Variants in BMP2K observed in about 807,000 individuals in gnomAD.
BMP2K encodes BMP2 inducible kinase, also known as BMP-2-inducible protein kinase.
A neutral mutation model predicts 116.0 loss-of-function variants in BMP2K; 74 were observed. The observed-to-expected ratio is 0.64, with a 90% CI of 0.53 to 0.77. The LOEUF (loss-of-function observed/expected upper bound fraction) is 0.77, where lower values mean the gene tolerates loss of function less well. Among genes scored for constraint, BMP2K ranks in the 30% least tolerant of loss-of-function variants. BMP2K has a pLI of 0.00. For missense variants in BMP2K, 1,365 were observed against 1,403.6 expected, an observed-to-expected ratio of 0.97 and a Z score of 0.44; for synonymous variants, 486 against 502.5, an observed-to-expected ratio of 0.97 and a Z score of 0.44.
intron 1 of BMP2K, among the ~76,000 whole-genome samples, chr4:78,823,373 T>C (rs1238387946): frequency 6.6e-6 from 1 of 151,782 alleles, no homozygotes; most frequent in Non-Finnish European, 1.5e-5. Flanking sequence ...ATCAGAACCA[T>C]TTGGGGGAAC....
At chr4:78,901,029 T>C (rs1396433825) in intron 15 of BMP2K, among the ~76,000 whole-genome samples, 2 of 152,082 alleles carry the variant, frequency 1.3e-5, no homozygotes, top group Non-Finnish European at 2.9e-5. Context: ...CCATTTGATA[T>C]TGAGTATTGG....
rs549657523 is a variant in BMP2K at position 78,782,023 on chromosome 4, T to C, written c.178+5302T>C. On this transcript the variant is annotated intron_variant, in intron 1 of 15. Transcript: ENST00000502613. ...ACATTTTTTCGCCTGGCATTCACAG[T>C]TATTCATGCTCACTTCTTATCTTTA... Among the ~76,000 whole-genome samples, 8 of 152,318 alleles carry C rather than the reference T, an allele frequency of 5.3e-5. No individual in the cohort carries two copies. The South Asian group carries it at 1.7e-3, about 32-fold the overall frequency.
intron 1 of BMP2K, among the ~76,000 whole-genome samples, chr4:78,805,421 A>G (rs1350003528): frequency 6.6e-6 from 1 of 151,828 alleles, no homozygotes; most frequent in Non-Finnish European, 1.5e-5. Context: ...GTATGTTTGG[A>G]TGAGTTTGTT....
intron 4 of BMP2K, among the ~76,000 whole-genome samples, chr4:78,843,149 G>A (rs1730840783): frequency 6.6e-6 from 1 of 151,836 alleles, no homozygotes; most frequent in African/African-American, 2.4e-5. Flanking sequence ...AACTGCAGGT[G>A]TCCTCTTTCA....
At chr4:78,870,507 C>T (rs1002384875) in intron 10 of BMP2K, among the ~76,000 whole-genome samples, 11 of 152,104 alleles carry the variant, frequency 7.2e-5, no homozygotes, top group Non-Finnish European at 1.3e-4. Context: ...GTAGAACAAA[C>T]TAACATGGAT....
rs116606135 is a variant in BMP2K, at chr4:78,909,466, C to T, written c.2063-1144C>T. On this transcript the variant is annotated intron_variant, in intron 15 of 15. Transcript: ENST00000502613. ...GTATAATGAAATATACGCTGCTTAT[C>T]ATGGCCTTAGAGGACCTTCACAGTC... is the stretch of plus-strand genomic sequence containing the variant. Among the ~76,000 whole-genome samples the T allele has an allele frequency of 4.4e-3, 673 of 152,250 alleles. 2 individuals carry two copies. Among genetic ancestry groups the T allele is most frequent in the African/African-American group, 0.015 (636 of 41,536 alleles).
At chr4:78,881,712 A>G (rs1224811585) in intron 14 of BMP2K, among the ~76,000 whole-genome samples, 1 of 152,074 alleles carries the variant, frequency 6.6e-6, no homozygotes, top group Non-Finnish European at 1.5e-5. Flanking sequence ...TTAGAAGACT[A>G]ATTGTTCAAT....
chr4:78,801,344 C>CTGTGTGTGTGTG (rs112302359), intron 1 of BMP2K, among the ~76,000 whole-genome samples: 2 of 143,186 alleles, frequency 1.4e-5, no homozygotes, highest in Non-Finnish European at 3.1e-5. Flanking sequence ...GTTGAAGTAG[C>CTGTGTGTGTGTG]TGTGTGTGTG....
chr4:78,806,961 T>C (rs967713324), intron 1 of BMP2K, among the ~76,000 whole-genome samples: 2 of 152,110 alleles, frequency 1.3e-5, no homozygotes, highest in African/African-American at 4.8e-5. Flanking sequence ...CAATTCTTCC[T>C]GCATCAGCTT....
At chr4:78,784,924 A>C (rs937703814) in intron 1 of BMP2K, among the ~76,000 whole-genome samples, 11 of 152,124 alleles carry the variant, frequency 7.2e-5, no homozygotes, top group South Asian at 2.1e-4. Flanking sequence ...TATGTAACTG[A>C]TTTTAACTGC....
chr4:78,789,044 C>T (rs1727880701), intron 1 of BMP2K, among the ~76,000 whole-genome samples: 1 of 151,762 alleles, frequency 6.6e-6, no homozygotes, highest in African/African-American at 2.4e-5. Context: ...GTGTAAGAAC[C>T]TGAATTTAAA....
chr4:78,778,810 T>C (rs1206222872), intron 1 of BMP2K, among the ~76,000 whole-genome samples: 1 of 152,246 alleles, frequency 6.6e-6, no homozygotes, highest in East Asian at 1.9e-4. Context: ...GATCATAAGA[T>C]TGGGTCATGT....
At chr4:78,850,228 A>G (rs1731181405) in intron 6 of BMP2K, among the ~76,000 whole-genome samples, 1 of 151,766 alleles carries the variant, frequency 6.6e-6, no homozygotes, top group Admixed American at 6.6e-5. Flanking sequence ...TATAGATGCA[A>G]TTGGTATTTT....
chr4:78,907,644 G>A (rs1349344774), intron 15 of BMP2K, among the ~76,000 whole-genome samples: 7 of 152,192 alleles, frequency 4.6e-5, no homozygotes, highest in Non-Finnish European at 8.8e-5. Flanking sequence ...CATAAAATTA[G>A]ATTCTTTTGT....
intron 1 of BMP2K, among the ~76,000 whole-genome samples, chr4:78,783,892 G>C (rs1413643948): frequency 6.6e-6 from 1 of 152,140 alleles, no homozygotes; most frequent in Non-Finnish European, 1.5e-5. Context: ...CTTTTAGGCT[G>C]TAGTCAACTA....
intron 15 of BMP2K, among the ~76,000 whole-genome samples, chr4:78,909,230 G>T (rs1344479311): frequency 6.6e-6 from 1 of 151,770 alleles, no homozygotes; most frequent in Non-Finnish European, 1.5e-5. Flanking sequence ...TAGAGATGGG[G>T]TTTCACCATG....
intron 1 of BMP2K, among the ~76,000 whole-genome samples, chr4:78,787,547 G>T (rs1727788080): frequency 6.6e-6 from 1 of 152,104 alleles, no homozygotes; most frequent in South Asian, 2.1e-4. Context: ...AACAGTTTTG[G>T]GGGTGGTCAG....
chr4:78,877,566 T>C (rs910195927), intron 13 of BMP2K, among the ~76,000 whole-genome samples: 3 of 152,178 alleles, frequency 2.0e-5, no homozygotes, highest in African/African-American at 7.2e-5. Context: ...TGTCATCTCC[T>C]ATGATAACAA....
At chr4:78,847,141 TA>T in intron 5 of BMP2K, 46 bp from the exon 6 acceptor site, 33 of 648,338 alleles carry the variant, frequency 5.1e-5, no homozygotes, top group South Asian at 1.6e-4. Flanking sequence ...GTCTTTTTTT[TA>T]TATATATATA....
Sources: allele counts gnomAD v4.1 joint callset (sites outside exome capture counted in the v4.1 genomes callset), GRCh38; gene constraint gnomAD v4.1.1; transcripts MANE v1.5; gene names NCBI Gene and HGNC (gene_info 2026-07-23, HGNC 2026-07-21).